The following SRD5A2 variants were observed in gnomAD, a reference collection of about 807,000 sequenced individuals.
SRD5A2 encodes steroid 5 alpha-reductase 2.
SRD5A2 carries 30 observed loss-of-function variants against 27.4 expected under a neutral mutation model. The observed-to-expected ratio is 1.10, with a 90% CI of 0.82 to 1.49. SRD5A2 has a LOEUF of 1.49. Among genes scored for constraint, SRD5A2 ranks in the 40% most tolerant of loss-of-function variants. The probability of loss-of-function intolerance (pLI) is 0.00; values close to 1 mark genes in which losing one functional copy is unlikely to be tolerated. For synonymous variants in SRD5A2, 141 were observed against 133.6 expected (o/e 1.06, Z -0.38); for missense variants, 348 against 323.4 (o/e 1.08, Z -0.58).
intron 1 of SRD5A2, among the ~76,000 whole-genome samples, chr2:31,545,321 T>C (rs1220536626): frequency 6.6e-6 from 1 of 152,042 alleles, no homozygotes; most frequent in Non-Finnish European, 1.5e-5. Flanking sequence ...TCAAAGCAAT[T>C]TTTTAAACAA....
the SRD5A2 span, among the ~76,000 whole-genome samples, chr2:31,629,781 G>T: frequency 6.6e-6 from 1 of 152,024 alleles, no homozygotes; most frequent in Non-Finnish European, 1.5e-5. Context: ...TTACCTCCTG[G>T]GTTCCGACCA....
chr2:31,551,868 T>C (rs916938978), intron 1 of SRD5A2, among the ~76,000 whole-genome samples: 4 of 151,934 alleles, frequency 2.6e-5, no homozygotes, highest in Non-Finnish European at 2.9e-5. Flanking sequence ...AAACAGAATA[T>C]AGGACCCAGA....
the SRD5A2 span, among the ~76,000 whole-genome samples, chr2:31,616,068 C>T: frequency 6.6e-6 from 1 of 152,064 alleles, no homozygotes; most frequent in Non-Finnish European, 1.5e-5. Context: ...ATGGAAATGC[C>T]TGGATGTCCA....
chr2:31,626,766 T>C, the SRD5A2 span, among the ~76,000 whole-genome samples: 2 of 152,200 alleles, frequency 1.3e-5, no homozygotes, highest in African/African-American at 2.4e-5. Context: ...GCCAGTATTA[T>C]ATTGAGGATT....
intron 1 of SRD5A2, among the ~76,000 whole-genome samples, chr2:31,561,195 A>C (rs1666616047): frequency 6.6e-6 from 1 of 152,156 alleles, no homozygotes; most frequent in Non-Finnish European, 1.5e-5. Context: ...CTCCTCTCCA[A>C]GTGTGCCCTA....
At chr2:31,653,720 T>A in the SRD5A2 span, among the ~76,000 whole-genome samples, 1 of 152,106 alleles carries the variant, frequency 6.6e-6, no homozygotes, top group African/African-American at 2.4e-5. Flanking sequence ...AGTGCAACAG[T>A]GCGATCTCAG....
At chr2:31,591,343 T>G in the SRD5A2 span, among the ~76,000 whole-genome samples, 1 of 152,086 alleles carries the variant, frequency 6.6e-6, no homozygotes, top group Admixed American at 6.5e-5. Context: ...AAAATGCTCA[T>G]CATCACTGGC....
At chr2:31,535,580 G>A (rs1387046834) in intron 1 of SRD5A2, among the ~76,000 whole-genome samples, 3 of 152,148 alleles carry the variant, frequency 2.0e-5, no homozygotes, top group African/African-American at 7.2e-5. Context: ...AGTTTCCTGT[G>A]CTGTCTCCCT....
chr2:31,529,524 G>T, intron 3 of SRD5A2, 67 bp from the exon 4 acceptor site: 2 of 1,570,030 alleles, frequency 1.3e-6, no homozygotes, highest in Non-Finnish European at 1.7e-6. Context: ...ACCCATCTGT[G>T]TTGTTCCAAA....
chr2:31,580,396 G>A (rs1261664007), intron 1 of SRD5A2, among the ~76,000 whole-genome samples: 2 of 152,242 alleles, frequency 1.3e-5, no homozygotes, highest in Non-Finnish European at 2.9e-5. Flanking sequence ...GAGGTCCTGG[G>A]GGAGTGAAGG....
chr2:31,588,751 A>G, the SRD5A2 span, among the ~76,000 whole-genome samples: 1 of 152,224 alleles, frequency 6.6e-6, no homozygotes, highest in South Asian at 2.1e-4. Context: ...AACACTAAAT[A>G]TTATAACACT....
intron 1 of SRD5A2, among the ~76,000 whole-genome samples, chr2:31,561,538 A>G (rs1289801372): frequency 6.6e-6 from 1 of 152,138 alleles, no homozygotes; most frequent in Admixed American, 6.6e-5. Flanking sequence ...GAATATCTAA[A>G]ATACAGCAGA....
the SRD5A2 span, among the ~76,000 whole-genome samples, chr2:31,602,626 C>T: frequency 6.6e-6 from 1 of 151,936 alleles, no homozygotes; most frequent in Admixed American, 6.6e-5. Context: ...AAGAACAAAG[C>T]TGGCGATATC....
At chr2:31,538,830 G>A (rs1218658527) in intron 1 of SRD5A2, among the ~76,000 whole-genome samples, 1 of 152,148 alleles carries the variant, frequency 6.6e-6, no homozygotes, top group Non-Finnish European at 1.5e-5. Flanking sequence ...TACTTTCTGT[G>A]TTTATTGTCC....
At chr2:31,548,181 C>T (rs939793857) in intron 1 of SRD5A2, among the ~76,000 whole-genome samples, 1 of 152,082 alleles carries the variant, frequency 6.6e-6, no homozygotes, top group Non-Finnish European at 1.5e-5. Flanking sequence ...GATACTGTAT[C>T]TGGCAGTGAT....
chr2:31,562,495 T>C (rs1490246030), intron 1 of SRD5A2, among the ~76,000 whole-genome samples: 1 of 152,200 alleles, frequency 6.6e-6, no homozygotes, highest in Non-Finnish European at 1.5e-5. Flanking sequence ...ATCATATTAA[T>C]GTACCCATTA....
intron 1 of SRD5A2, among the ~76,000 whole-genome samples, chr2:31,566,931 A>G (rs1666741222): frequency 6.6e-6 from 1 of 152,224 alleles, no homozygotes; most frequent in African/African-American, 2.4e-5. Flanking sequence ...TTATATTCCA[A>G]TCATGGTCAA....
chr2:31,656,693 T>G, the SRD5A2 span, among the ~76,000 whole-genome samples: 1 of 152,120 alleles, frequency 6.6e-6, no homozygotes, highest in Non-Finnish European at 1.5e-5. Context: ...CACCAGACAC[T>G]GAACCTACAG....
At chr2:31,624,443 C>T in the SRD5A2 span, among the ~76,000 whole-genome samples, 1 of 151,744 alleles carries the variant, frequency 6.6e-6, no homozygotes, top group Non-Finnish European at 1.5e-5. Context: ...ATACATGTGC[C>T]ATGTTGGTGT....
Sources: allele counts gnomAD v4.1 joint callset (sites outside exome capture counted in the v4.1 genomes callset), GRCh38; gene constraint gnomAD v4.1.1; transcripts MANE v1.5; gene names NCBI Gene and HGNC (gene_info 2026-07-23, HGNC 2026-07-21).